The following PRMT3 variants were observed in gnomAD, a reference collection of about 807,000 sequenced individuals.
PRMT3 encodes protein arginine methyltransferase 3, also known as protein arginine N-methyltransferase 3.
PRMT3 carries 62 observed loss-of-function variants against 71.9 expected under a neutral mutation model. The observed-to-expected ratio is 0.86, with a 90% CI of 0.70 to 1.07. The LOEUF (loss-of-function observed/expected upper bound fraction) is 1.07, where lower values mean the gene tolerates loss of function less well. PRMT3 is among the 50% of genes least tolerant of loss of function. PRMT3 has a pLI of 0.00. For synonymous variants in PRMT3, 213 were observed against 220.4 expected (o/e 0.97, Z 0.30); for missense variants, 663 against 643.0 (o/e 1.03, Z -0.34).
At chr11:20,443,100 C>G (rs1849946262) in intron 10 of PRMT3, among the ~76,000 whole-genome samples, 1 of 152,120 alleles carries the variant, frequency 6.6e-6, no homozygotes, top group Non-Finnish European at 1.5e-5. Flanking sequence ...ATGAGAATAC[C>G]CATTTTTCCT....
intron 4 of PRMT3, 143 bp downstream of exon 4, chr11:20,392,403 GAGGTAGCACAGCAGAAAGCACC>G: frequency 1.2e-6 from 1 of 831,666 alleles, no homozygotes; most frequent in Non-Finnish European, 1.8e-6. Context: ...CGGACATTAG[GAGGTAGCACAGCAGAAAGCACC>G]ATGTAAATGT....
At chr11:20,391,540 G>A (rs1848715787) in intron 3 of PRMT3, among the ~76,000 whole-genome samples, 1 of 152,258 alleles carries the variant, frequency 6.6e-6, no homozygotes, top group Admixed American at 6.5e-5. Context: ...ACTGTGCCCA[G>A]CCTTAATGTT....
intron 10 of PRMT3, among the ~76,000 whole-genome samples, chr11:20,441,577 GATTA>G (rs1849903294): frequency 6.6e-6 from 1 of 151,800 alleles, no homozygotes; most frequent in Non-Finnish European, 1.5e-5. Context: ...AAAGTGCTGG[GATTA>G]CAGGCTTGAG....
chr11:20,459,023 A>T (rs1443002838), intron 11 of PRMT3, among the ~76,000 whole-genome samples: 1 of 151,596 alleles, frequency 6.6e-6, no homozygotes, highest in South Asian at 2.1e-4. Context: ...ATTTTTTTTC[A>T]GTTTTATAGG....
chr11:20,404,211 G>GTTTTTTTTTGTTTTGTTTTGTTTTTTTTT (rs1849013967), intron 8 of PRMT3, among the ~76,000 whole-genome samples: 1 of 34,338 alleles, frequency 2.9e-5, no homozygotes, highest in African/African-American at 1.3e-4. Context: ...ACTTTTCATA[G>GTTTTTTTTTGTTTTGTTTTGTTTTTTTTT]TTTTTTTTTT....
intron 10 of PRMT3, 57 bp from the exon 11 acceptor site, chr11:20,452,073 C>T (rs1003132426): frequency 3.1e-5 from 38 of 1,230,568 alleles, no homozygotes; most frequent in South Asian, 8.7e-5. Flanking sequence ...TTAAATTGAC[C>T]TGCTTATGAG....
intron 5 of PRMT3, among the ~76,000 whole-genome samples, 173 bp downstream of exon 5, chr11:20,393,172 G>T (rs1472941476): frequency 1.3e-5 from 2 of 152,220 alleles, no homozygotes; most frequent in African/African-American, 2.4e-5. Context: ...TAGTCGGCCA[G>T]GTGTGGCGGC....
intron 13 of PRMT3, among the ~76,000 whole-genome samples, chr11:20,486,939 C>G (rs1323972579): frequency 6.6e-6 from 1 of 151,980 alleles, no homozygotes; most frequent in African/African-American, 2.4e-5. Flanking sequence ...CACCTCTAGT[C>G]CCAGCTACTC....
At chr11:20,482,790 T>C (rs905219466) in intron 13 of PRMT3, among the ~76,000 whole-genome samples, 1 of 151,388 alleles carries the variant, frequency 6.6e-6, no homozygotes, top group Non-Finnish European at 1.5e-5. Flanking sequence ...ATGTATGTAT[T>C]AACAGGAGGA....
At chr11:20,499,640 A>AT (rs1350951612) in intron 15 of PRMT3, among the ~76,000 whole-genome samples, 1 of 152,096 alleles carries the variant, frequency 6.6e-6, no homozygotes, top group Non-Finnish European at 1.5e-5. Context: ...AAAAAATTAA[A>AT]TTTTTTTAAA....
chr11:20,494,823 C>T (rs977444371), intron 15 of PRMT3, among the ~76,000 whole-genome samples: 7 of 151,984 alleles, frequency 4.6e-5, no homozygotes, highest in African/African-American at 7.2e-5. Flanking sequence ...AGAAAACTTT[C>T]GGCAATAATT....
chr11:20,389,608 GT>G, intron 2 of PRMT3, 135 bp from the exon 3 acceptor site: 1 of 545,884 alleles, frequency 1.8e-6, no homozygotes. Flanking sequence ...ATACAAGTGT[GT>G]TTGTTTTTTC....
intron 13 of PRMT3, among the ~76,000 whole-genome samples, chr11:20,472,334 G>A (rs1382600059): frequency 6.6e-6 from 1 of 152,152 alleles, no homozygotes; most frequent in Non-Finnish European, 1.5e-5. Context: ...TTGGCTGTGG[G>A]TTTGTCATAA....
intron 9 of PRMT3, among the ~76,000 whole-genome samples, chr11:20,414,511 C>T (rs1012169108): frequency 6.6e-6 from 1 of 152,152 alleles, no homozygotes; most frequent in African/African-American, 2.4e-5. Flanking sequence ...CATAAACTTA[C>T]CTAAGGATAG....
chr11:20,505,427 C>G (rs895736476), intron 15 of PRMT3, among the ~76,000 whole-genome samples: 18 of 152,144 alleles, frequency 1.2e-4, no homozygotes, highest in African/African-American at 4.3e-4. Flanking sequence ...TTGTATAAGA[C>G]ATACTGCTTG....
At chr11:20,466,804 AATTC>A (rs1850524351) in intron 13 of PRMT3, among the ~76,000 whole-genome samples, 2 of 152,242 alleles carry the variant, frequency 1.3e-5, no homozygotes, top group Admixed American at 1.3e-4. Context: ...AAGTCTATTT[AATTC>A]AAAGATTGTA....
intron 9 of PRMT3, among the ~76,000 whole-genome samples, chr11:20,412,311 A>G (rs1486578875): frequency 6.6e-6 from 1 of 152,114 alleles, no homozygotes; most frequent in Non-Finnish European, 1.5e-5. Flanking sequence ...GAGCAGAGGG[A>G]AGCATTTGTT....
chr11:20,454,264 C>G (rs1056323251), intron 11 of PRMT3, among the ~76,000 whole-genome samples: 1 of 152,076 alleles, frequency 6.6e-6, no homozygotes, highest in African/African-American at 2.4e-5. Context: ...ATTGCCTTGA[C>G]GTTCTAGGGA....
intron 10 of PRMT3, among the ~76,000 whole-genome samples, chr11:20,445,047 T>C (rs1315770946): frequency 1.3e-5 from 2 of 149,528 alleles, no homozygotes; most frequent in Admixed American, 6.7e-5. Context: ...TTAAATGTTA[T>C]GGGTTTTCCC....
Sources: allele counts gnomAD v4.1 joint callset (sites outside exome capture counted in the v4.1 genomes callset), GRCh38; gene constraint gnomAD v4.1.1; transcripts MANE v1.5; gene names NCBI Gene and HGNC (gene_info 2026-07-23, HGNC 2026-07-21).